Variants in HHAT observed in about 807,000 individuals in gnomAD.
HHAT encodes protein-cysteine N-palmitoyltransferase HHAT.
Under a neutral mutation model 70.8 loss-of-function variants are expected in HHAT, and 47 were observed. The observed-to-expected ratio is 0.66, with a 90% CI of 0.53 to 0.85. HHAT has a LOEUF of 0.85. HHAT is among the 40% of genes least tolerant of loss of function. The probability of loss-of-function intolerance (pLI) is 0.00; values close to 1 mark genes in which losing one functional copy is unlikely to be tolerated. For synonymous variants in HHAT, 228 were observed against 247.6 expected (o/e 0.92, Z 0.74); for missense variants, 609 against 604.8 (o/e 1.01, Z -0.07).
intron 8 of HHAT, among the ~76,000 whole-genome samples, chr1:210,495,587 C>T (rs914951761): frequency 6.6e-6 from 1 of 152,102 alleles, no homozygotes; most frequent in Admixed American, 6.5e-5. Context: ...CCCTCTTTCT[C>T]TATGTATGTA....
At chr1:210,413,266 A>C (rs142045428) in intron 6 of HHAT, among the ~76,000 whole-genome samples, 2,212 of 152,310 alleles carry the variant, frequency 0.015, 151 homozygotes, top group Admixed American at 0.12. Context: ...CACATTGAAC[A>C]CAAATAGTTT....
intron 9 of HHAT, among the ~76,000 whole-genome samples, chr1:210,545,247 C>G (rs977272407): frequency 6.6e-6 from 1 of 152,132 alleles, no homozygotes; most frequent in African/African-American, 2.4e-5. Flanking sequence ...CCTCATCATG[C>G]ATTAGTCATC....
intron 1 of HHAT, among the ~76,000 whole-genome samples, chr1:210,342,496 G>T (rs2086124933): frequency 6.6e-6 from 1 of 152,172 alleles, no homozygotes; most frequent in Non-Finnish European, 1.5e-5. Context: ...TCTCATTTGT[G>T]TAGATTAATC....
chr1:210,522,523 C>T (rs916210819), intron 9 of HHAT, among the ~76,000 whole-genome samples: 1 of 152,132 alleles, frequency 6.6e-6, no homozygotes, highest in Non-Finnish European at 1.5e-5. Context: ...GGGCTGGGTC[C>T]CCCCTTCCAT....
intron 10 of HHAT, 140 bp from the exon 11 acceptor site, chr1:210,623,386 T>C: frequency 1.1e-6 from 1 of 923,446 alleles, no homozygotes. Flanking sequence ...AATTGAAGTT[T>C]TGAGAGCTGT....
At chr1:210,653,632 A>G (rs975903062) in intron 11 of HHAT, among the ~76,000 whole-genome samples, 1 of 152,124 alleles carries the variant, frequency 6.6e-6, no homozygotes, top group African/African-American at 2.4e-5. Context: ...GGAGATGCCT[A>G]TAGGGGGAGG....
chr1:210,668,074 T>C (rs1679294829), intron 11 of HHAT, among the ~76,000 whole-genome samples: 1 of 152,212 alleles, frequency 6.6e-6, no homozygotes, highest in Non-Finnish European at 1.5e-5. Flanking sequence ...ATAGTATTCT[T>C]TTGTGTCCGG....
chr1:210,644,403 G>C (rs895927475), intron 11 of HHAT, among the ~76,000 whole-genome samples: 1 of 152,026 alleles, frequency 6.6e-6, no homozygotes, highest in Non-Finnish European at 1.5e-5. Context: ...AGGAGTTCGA[G>C]ACCAGCCTGG....
chr1:210,563,643 T>A (rs547217939), intron 9 of HHAT, among the ~76,000 whole-genome samples: 2 of 152,142 alleles, frequency 1.3e-5, no homozygotes, highest in Non-Finnish European at 2.9e-5. Context: ...GTATGACAGA[T>A]CCAACTCTCA....
At chr1:210,393,064 C>G (rs1217695057) in intron 4 of HHAT, among the ~76,000 whole-genome samples, 1 of 152,128 alleles carries the variant, frequency 6.6e-6, no homozygotes, top group Non-Finnish European at 1.5e-5. Context: ...ATTGGCCACT[C>G]TCAAGCTGTG....
chr1:210,357,522 A>G (rs1376611144), intron 2 of HHAT, among the ~76,000 whole-genome samples: 3 of 152,218 alleles, frequency 2.0e-5, no homozygotes, highest in African/African-American at 7.2e-5. Context: ...CAAACCTAGC[A>G]TTAAAATACA....
chr1:210,374,681 A>T (rs963655080), intron 3 of HHAT, among the ~76,000 whole-genome samples: 3 of 152,102 alleles, frequency 2.0e-5, no homozygotes, highest in African/African-American at 4.8e-5. Flanking sequence ...CTTATTTTGA[A>T]ACAATTACAC....
intron 9 of HHAT, among the ~76,000 whole-genome samples, chr1:210,537,223 C>T (rs554792134): frequency 6.6e-6 from 1 of 152,254 alleles, no homozygotes; most frequent in South Asian, 2.1e-4. Context: ...TACTTTGGCA[C>T]AGAAAGCTCA....
At chr1:210,468,360 A>G (rs1050255499) in intron 8 of HHAT, among the ~76,000 whole-genome samples, 9 of 152,144 alleles carry the variant, frequency 5.9e-5, no homozygotes, top group Non-Finnish European at 1.2e-4. Flanking sequence ...AGAATTTCCC[A>G]TGGTGGCTGG....
intron 11 of HHAT, among the ~76,000 whole-genome samples, chr1:210,667,464 C>T (rs1679164585): frequency 6.6e-6 from 1 of 152,166 alleles, no homozygotes. Flanking sequence ...AAGCCCAAGA[C>T]ATTGCAATGC....
At chr1:210,632,736 T>C (rs1011708628) in intron 11 of HHAT, among the ~76,000 whole-genome samples, 33 of 152,242 alleles carry the variant, frequency 2.2e-4, no homozygotes, top group African/African-American at 8.0e-4. Flanking sequence ...GAGGACTTCC[T>C]CACTATCTGC....
intron 11 of HHAT, among the ~76,000 whole-genome samples, chr1:210,633,261 C>T (rs1671227164): frequency 6.6e-6 from 1 of 152,226 alleles, no homozygotes; most frequent in Non-Finnish European, 1.5e-5. Flanking sequence ...GAAACGCCCA[C>T]TTCAAATGTT....
At chr1:210,413,916 A>T (rs1219919589) in intron 6 of HHAT, among the ~76,000 whole-genome samples, 2 of 152,200 alleles carry the variant, frequency 1.3e-5, no homozygotes, top group African/African-American at 4.8e-5. Context: ...AAACTCTTCC[A>T]GCTTCTATCC....
chr1:210,414,847 G>A lies in HHAT; in HGVS notation c.685-3307G>A, dbSNP rs548689548. ...AGCCTGGCCAATGTGGAGAAACCCCGTCTCTACTACAAATACAAAAAATAG... is the reference window on the plus strand; with the variant it reads ...AGCCTGGCCAATGTGGAGAAACCCCATCTCTACTACAAATACAAAAAATAG... On this transcript the variant is annotated intron_variant, in intron 6 of 11. Transcript: ENST00000261458. Among the ~76,000 whole-genome samples, 4 of 152,088 alleles carry A rather than the reference G, an allele frequency of 2.6e-5. No individual in the cohort carries two copies. The South Asian group carries it at 6.2e-4, about 24-fold the overall frequency.
Sources: allele counts gnomAD v4.1 joint callset (sites outside exome capture counted in the v4.1 genomes callset), GRCh38; gene constraint gnomAD v4.1.1; transcripts MANE v1.5; gene names NCBI Gene and HGNC (gene_info 2026-07-23, HGNC 2026-07-21).